ARHGAP24: variants seen among roughly 807,000 people sequenced by gnomAD.
ARHGAP24 encodes Rho GTPase activating protein 24.
Under a neutral mutation model 76.4 loss-of-function variants are expected in ARHGAP24, and 50 were observed. The observed-to-expected ratio is 0.65, with a 90% CI of 0.52 to 0.83. The LOEUF (loss-of-function observed/expected upper bound fraction) is 0.83. Among genes scored for constraint, ARHGAP24 ranks in the 40% least tolerant of loss-of-function variants. ARHGAP24 has a pLI of 0.00. For synonymous variants in ARHGAP24, 345 were observed against 323.3 expected (o/e 1.07, Z -0.72); for missense variants, 930 against 914.2 (o/e 1.02, Z -0.22).
chr4:85,577,949 G>A (rs921119772), intron 2 of ARHGAP24, among the ~76,000 whole-genome samples: 13 of 152,202 alleles, frequency 8.5e-5, no homozygotes, highest in African/African-American at 3.1e-4. Context: ...GAGATTTGGA[G>A]AAGAAAGCAG....
chr4:85,914,038 C>T (rs1054664383), intron 3 of ARHGAP24, among the ~76,000 whole-genome samples: 2 of 152,156 alleles, frequency 1.3e-5, no homozygotes, highest in African/African-American at 4.8e-5. Flanking sequence ...AGTATGGTAT[C>T]TTCAATACAT....
At chr4:85,956,542 G>A (rs1737910905) in intron 5 of ARHGAP24, among the ~76,000 whole-genome samples, 1 of 152,138 alleles carries the variant, frequency 6.6e-6, no homozygotes, top group African/African-American at 2.4e-5. Flanking sequence ...GGATTCCAAG[G>A]AATGGAATCT....
chr4:85,863,944 G>A (rs1028426507), intron 3 of ARHGAP24, among the ~76,000 whole-genome samples: 1 of 152,082 alleles, frequency 6.6e-6, no homozygotes, highest in African/African-American at 2.4e-5. Context: ...GTCTGAGGAG[G>A]CAGTGTCTGA....
chr4:85,690,317 A>C (rs569505782), intron 2 of ARHGAP24, among the ~76,000 whole-genome samples: 1 of 152,320 alleles, frequency 6.6e-6, no homozygotes, highest in African/African-American at 2.4e-5. Flanking sequence ...GGCTGATTCC[A>C]GCTCATAGAA....
At chr4:85,731,353 C>G (rs1294000100) in intron 3 of ARHGAP24, among the ~76,000 whole-genome samples, 2 of 152,184 alleles carry the variant, frequency 1.3e-5, no homozygotes, top group African/African-American at 2.4e-5. Context: ...TGTTCTCTTC[C>G]TTCCCTATTA....
chr4:85,648,752 G>A (rs1025888108), intron 2 of ARHGAP24, among the ~76,000 whole-genome samples: 2 of 152,032 alleles, frequency 1.3e-5, no homozygotes, highest in African/African-American at 4.8e-5. Flanking sequence ...TAAAATTTCT[G>A]CTGGTCTATT....
chr4:85,856,833 G>A (rs1026537243), intron 3 of ARHGAP24, among the ~76,000 whole-genome samples: 1 of 152,230 alleles, frequency 6.6e-6, no homozygotes, highest in South Asian at 2.1e-4. Flanking sequence ...CCTATCCTTA[G>A]TGGTAAGTTC....
intron 1 of ARHGAP24, among the ~76,000 whole-genome samples, chr4:85,551,657 G>C (rs1270787975): frequency 6.6e-6 from 1 of 151,758 alleles, no homozygotes; most frequent in African/African-American, 2.4e-5. Flanking sequence ...TGTGGTCCTG[G>C]CTCTTTCTTA....
chr4:85,520,574 C>T (rs1315471020), intron 1 of ARHGAP24, among the ~76,000 whole-genome samples: 1 of 152,080 alleles, frequency 6.6e-6, no homozygotes, highest in African/African-American at 2.4e-5. Context: ...AGGAAATTTC[C>T]TAACTATCTC....
At chr4:85,564,379 A>T (rs1412354698) in intron 1 of ARHGAP24, among the ~76,000 whole-genome samples, 4 of 130,964 alleles carry the variant, frequency 3.1e-5, no homozygotes, top group Admixed American at 7.8e-5. Context: ...AACATCACAC[A>T]CCGGGGCCTG....
intron 2 of ARHGAP24, among the ~76,000 whole-genome samples, chr4:85,701,786 T>A (rs1257544887): frequency 6.6e-6 from 1 of 152,186 alleles, no homozygotes; most frequent in Admixed American, 6.5e-5. Flanking sequence ...TCAAGATTCA[T>A]ATATAGATAT....
intron 2 of ARHGAP24, chr4:85,570,968 C>T (rs1467826214): frequency 2.6e-6 from 1 of 381,652 alleles, no homozygotes; most frequent in Non-Finnish European, 4.7e-6. Context: ...AGGAGAAGGT[C>T]TCACTTCCTC....
chr4:85,776,583 A>G (rs923538080), intron 3 of ARHGAP24, among the ~76,000 whole-genome samples: 1 of 152,154 alleles, frequency 6.6e-6, no homozygotes, highest in Non-Finnish European at 1.5e-5. Flanking sequence ...TTGAAGGCCA[A>G]TTTCCTATTG....
intron 2 of ARHGAP24, among the ~76,000 whole-genome samples, chr4:85,650,766 A>G (rs1157841714): frequency 1.3e-5 from 2 of 149,582 alleles, no homozygotes; most frequent in East Asian, 3.9e-4. Context: ...GGAAGGATAT[A>G]GGATTCAAAC....
intron 3 of ARHGAP24, among the ~76,000 whole-genome samples, chr4:85,857,698 AG>A (rs1377137272): frequency 6.6e-6 from 1 of 152,202 alleles, no homozygotes; most frequent in African/African-American, 2.4e-5. Flanking sequence ...GACAGAAAAT[AG>A]GCGAGTGAAT....
chr4:85,557,250 C>T (rs942657222), intron 1 of ARHGAP24, among the ~76,000 whole-genome samples: 36 of 38,618 alleles, frequency 9.3e-4, no homozygotes, highest in African/African-American at 1.4e-3. Flanking sequence ...CATCACTGCT[C>T]AGCTGTGGAT....
At chr4:85,768,114 G>A (rs1333114764) in intron 3 of ARHGAP24, among the ~76,000 whole-genome samples, 3 of 151,970 alleles carry the variant, frequency 2.0e-5, no homozygotes, top group African/African-American at 4.8e-5. Flanking sequence ...ATAAATTGGC[G>A]TGACAACTTG....
chr4:85,766,942 A>G (rs1412860150), intron 3 of ARHGAP24, among the ~76,000 whole-genome samples: 4 of 152,170 alleles, frequency 2.6e-5, no homozygotes, highest in Admixed American at 2.6e-4. Context: ...ATAATACCGT[A>G]TTTTTACTAT....
At position 85,522,334 on chromosome 4, in the gene ARHGAP24, G is replaced by T. The variant is rs201414823; in HGVS notation, c.-21+46775G>T. Among the ~76,000 whole-genome samples the T allele has an allele frequency of 7.9e-5, 12 of 152,130 alleles. No individual in the cohort carries two copies. The East Asian group carries it at 2.3e-3, about 29-fold the overall frequency. On this transcript the variant is annotated intron_variant, in intron 1 of 9. Transcript: ENST00000395184. ...CACATATCCCAGAGTTTTTTGTTTT[G>T]TTTTGTTTTTGACTTTTAACTTAGG...
Sources: allele counts gnomAD v4.1 joint callset (sites outside exome capture counted in the v4.1 genomes callset), GRCh38; gene constraint gnomAD v4.1.1; transcripts MANE v1.5; gene names NCBI Gene and HGNC (gene_info 2026-07-23, HGNC 2026-07-21).